UMAD1: variants seen among roughly 807,000 people sequenced by gnomAD.
UMAD1 encodes UBAP1-MVB12-associated (UMA)-domain containing protein 1.
Under a neutral mutation model 6.1 loss-of-function variants are expected in UMAD1, and 8 were observed. The observed-to-expected ratio is 1.30, with a 90% confidence interval of 0.76 to 2.35. UMAD1 has a LOEUF of 2.35. Ranked by LOEUF, UMAD1 falls within the 30% of genes most tolerant of loss-of-function variation. The pLI is 0.00. For missense variants in UMAD1, 130 were observed against 78.4 expected, an observed-to-expected ratio of 1.66 and a Z score of -2.49; for synonymous variants, 56 against 31.4, an observed-to-expected ratio of 1.78 and a Z score of -2.61.
At chr7:7,770,774 G>A (rs1274949073) in intron 2 of UMAD1, among the ~76,000 whole-genome samples, 1 of 152,112 alleles carries the variant, frequency 6.6e-6, no homozygotes, top group Non-Finnish European at 1.5e-5. Flanking sequence ...TGAGGAGCAG[G>A]TTTTATGGAG....
chr7:7,859,050 C>G (rs1784068732), intron 3 of UMAD1, among the ~76,000 whole-genome samples: 1 of 152,158 alleles, frequency 6.6e-6, no homozygotes, highest in African/African-American at 2.4e-5. Flanking sequence ...TCCTAAGTTC[C>G]TTTGCCAGAG....
intron 2 of UMAD1, among the ~76,000 whole-genome samples, chr7:7,787,428 G>A (rs1365484710): frequency 6.6e-6 from 1 of 152,126 alleles, no homozygotes; most frequent in Non-Finnish European, 1.5e-5. Context: ...TTCTAGTATA[G>A]TACTGCTTTG....
rs561582560 is a variant in UMAD1, at chr7:7,877,357, A to G, written c.233A>G (p.Asn78Ser). Residue 78 changes from asparagine (N) to serine (S), a missense_variant, in exon 4 of 4, where the codon AAC (asparagine) becomes AGC (serine). Asn to Ser is a conservative substitution (Grantham distance 46). Coordinates refer to ENST00000682710, the MANE Select transcript of UMAD1 (RefSeq NM_001302348.2). ...AATAAGGCAGGCCAGACTCTGGAGA[A>G]CAGCTCATTAATGGCCGAGCTCCTG... Reference protein sequence around the residue: ...MENKAGQTLENSSLMAELLSD... With the variant: ...MENKAGQTLESSSLMAELLSD... The G allele has an allele frequency of 2.8e-6, 2 of 717,534 alleles. No homozygotes were observed. The highest frequency in any genetic ancestry group is 3.0e-5 in the South Asian group (2 of 67,606). The allele number at this position is 717,534 out of a possible 1,614,324, so 44.4% of individuals were successfully genotyped here. A position where few individuals can be genotyped will look rare whatever the true frequency, so the allele number is the denominator to read the frequency against.
intron 3 of UMAD1, among the ~76,000 whole-genome samples, chr7:7,818,426 A>C (rs1783174170): frequency 6.6e-6 from 1 of 152,182 alleles, no homozygotes; most frequent in South Asian, 2.1e-4. Flanking sequence ...GCTCAACATC[A>C]CTGATCATCA....
At chr7:7,820,279 A>G (rs1783217592) in intron 3 of UMAD1, among the ~76,000 whole-genome samples, 1 of 152,126 alleles carries the variant, frequency 6.6e-6, no homozygotes, top group Admixed American at 6.6e-5. Flanking sequence ...GACGTATTTA[A>G]CTTAATTACC....
At chr7:7,870,180 CTTTA>C (rs933201376) in intron 3 of UMAD1, among the ~76,000 whole-genome samples, 13 of 152,154 alleles carry the variant, frequency 8.5e-5, no homozygotes, top group Admixed American at 6.5e-5. Flanking sequence ...TAACAGCAAA[CTTTA>C]TTTGTTGTAA....
chr7:7,866,322 G>T (rs1315053861), intron 3 of UMAD1, among the ~76,000 whole-genome samples: 2 of 152,228 alleles, frequency 1.3e-5, no homozygotes, highest in Admixed American at 1.3e-4. Flanking sequence ...CCGTAGGTTT[G>T]TGGGGGTGAC....
intron 2 of UMAD1, among the ~76,000 whole-genome samples, chr7:7,716,435 C>T (rs1306384864): frequency 6.6e-6 from 1 of 152,168 alleles, no homozygotes; most frequent in Non-Finnish European, 1.5e-5. Context: ...AAAAGAGCAG[C>T]CTGAAAGATC....
chr7:7,705,482 G>A (rs889242001), intron 2 of UMAD1, among the ~76,000 whole-genome samples: 4 of 152,178 alleles, frequency 2.6e-5, no homozygotes, highest in African/African-American at 9.6e-5. Context: ...TGCACCCAGT[G>A]TTTATATTCA....
chr7:7,695,040 C>G (rs1269490653), intron 2 of UMAD1, among the ~76,000 whole-genome samples: 1 of 152,174 alleles, frequency 6.6e-6, no homozygotes, highest in East Asian at 1.9e-4. Flanking sequence ...CATATCCTTG[C>G]CAGTGTTTGT....
intron 3 of UMAD1, among the ~76,000 whole-genome samples, chr7:7,801,975 C>G (rs1232983096): frequency 6.6e-6 from 1 of 152,186 alleles, no homozygotes; most frequent in African/African-American, 2.4e-5. Context: ...CAAAACAAAA[C>G]AGAAATCAAG....
intron 3 of UMAD1, among the ~76,000 whole-genome samples, chr7:7,853,226 A>C (rs7803807): frequency 0.67 from 101,210 of 151,564 alleles, 34,642 homozygotes; most frequent in Middle Eastern, 0.75. Flanking sequence ...CTCATGACTA[A>C]TATTGCCTAA....
At chr7:7,859,433 C>T (rs182227931) in intron 3 of UMAD1, among the ~76,000 whole-genome samples, 9 of 152,114 alleles carry the variant, frequency 5.9e-5, no homozygotes, top group East Asian at 5.8e-4. Context: ...TTCTGAATTA[C>T]GAGTATCTTT....
intron 2 of UMAD1, among the ~76,000 whole-genome samples, chr7:7,707,633 T>C (rs1583759215): frequency 6.6e-6 from 1 of 152,196 alleles, no homozygotes; most frequent in African/African-American, 2.4e-5. Context: ...CTAAATGATA[T>C]TTTGGAATTT....
At chr7:7,649,050 C>T (rs1370019368) in intron 1 of UMAD1, among the ~76,000 whole-genome samples, 4 of 149,004 alleles carry the variant, frequency 2.7e-5, no homozygotes, top group Non-Finnish European at 5.9e-5. Context: ...CCCAGCTACT[C>T]AGGAGGCTGA....
intron 2 of UMAD1, among the ~76,000 whole-genome samples, chr7:7,761,812 A>G (rs867714110): frequency 2.0e-5 from 3 of 152,132 alleles, no homozygotes; most frequent in African/African-American, 7.2e-5. Context: ...GACATCTGAG[A>G]ATGTTGACCA....
At chr7:7,682,125 A>T (rs1322443567) in intron 2 of UMAD1, among the ~76,000 whole-genome samples, 2 of 152,186 alleles carry the variant, frequency 1.3e-5, no homozygotes, top group African/African-American at 4.8e-5. Context: ...AGGGAAATGC[A>T]TCATGGTTTT....
At chr7:7,780,319 C>G (rs1025816354) in intron 2 of UMAD1, among the ~76,000 whole-genome samples, 3 of 152,316 alleles carry the variant, frequency 2.0e-5, no homozygotes, top group Admixed American at 2.0e-4. Flanking sequence ...CAACTACCCC[C>G]ACAGACTGTG....
At chr7:7,687,064 T>C (rs1780057400) in intron 2 of UMAD1, among the ~76,000 whole-genome samples, 1 of 152,242 alleles carries the variant, frequency 6.6e-6, no homozygotes, top group Admixed American at 6.5e-5. Flanking sequence ...ACTTCCTTTA[T>C]GTGAGACACA....
Sources: gnomAD v4.1 joint callset for allele counts (sites outside exome capture counted in the v4.1 genomes callset) on GRCh38, gnomAD v4.1.1 for gene constraint, MANE v1.5 for transcripts, NCBI Gene and HGNC (gene_info 2026-07-23, HGNC 2026-07-21) for gene names.